TAB2: variants seen among roughly 807,000 people sequenced by gnomAD.
TAB2 encodes TGF-beta activated kinase 1 (MAP3K7) binding protein 2.
In TAB2, 3 loss-of-function variants were observed where a neutral mutation model predicts 65.0. The observed-to-expected ratio is 0.05, with a 90% CI of 0.02 to 0.12. TAB2 has a LOEUF of 0.12. Among genes scored for constraint, TAB2 ranks in the 10% least tolerant of loss-of-function variants. TAB2 has a pLI of 1.00. For synonymous variants in TAB2, 298 were observed against 285.1 expected (o/e 1.05, Z -0.46); for missense variants, 623 against 840.3 (o/e 0.74, Z 3.20).
chr6:149,330,121 C>T (rs538372478), intron 1 of TAB2, among the ~76,000 whole-genome samples: 2 of 151,970 alleles, frequency 1.3e-5, no homozygotes, highest in South Asian at 4.2e-4. Flanking sequence ...AGTATAATCC[C>T]CTTGAGGTCC....
chr6:149,368,342 T>A (rs930365384), intron 1 of TAB2, among the ~76,000 whole-genome samples: 1 of 152,102 alleles, frequency 6.6e-6, no homozygotes, highest in Non-Finnish European at 1.5e-5. Context: ...GTGGCTTTGA[T>A]AAGTGTAGTT....
chr6:149,407,988 G>A (rs1782724225), intron 6 of TAB2, among the ~76,000 whole-genome samples: 1 of 152,100 alleles, frequency 6.6e-6, no homozygotes, highest in Admixed American at 6.6e-5. Flanking sequence ...AACCTTTGCA[G>A]TTAAACAGAA....
Position 149,379,524 on chromosome 6 carries a change from A to T in TAB2, c.1603+6A>T, listed in dbSNP as rs1482751880. ...TGATGCTGCCTACACACAAGGTAATATGAATACTAAAGGTGGGATGGTTTT... is the reference window on the plus strand; with the variant it reads ...TGATGCTGCCTACACACAAGGTAATTTGAATACTAAAGGTGGGATGGTTTT... On this transcript the variant is annotated splice_donor_region_variant and intron_variant, in intron 3 of 6. Transcript: ENST00000637181. The T allele has an allele frequency of 1.2e-6, 2 of 1,614,016 alleles. No individual in the cohort carries two copies. The highest frequency in any genetic ancestry group is 1.7e-6 in the Non-Finnish European group (2 of 1,179,920).
chr6:149,360,625 C>T (rs771634055), intron 1 of TAB2, among the ~76,000 whole-genome samples: 7 of 152,244 alleles, frequency 4.6e-5, no homozygotes, highest in Non-Finnish European at 7.4e-5. Context: ...TATATTATTC[C>T]GCCCCTGCCT....
upstream of TAB2, among the ~76,000 whole-genome samples, chr6:149,313,990 T>C (rs1484772439): frequency 6.6e-6 from 1 of 152,200 alleles, no homozygotes; most frequent in East Asian, 1.9e-4. Context: ...GCACCCAAGA[T>C]AGCAAAGCAG....
intron 3 of TAB2, among the ~76,000 whole-genome samples, chr6:149,386,574 G>A (rs1230003815): frequency 6.6e-6 from 1 of 152,170 alleles, no homozygotes; most frequent in East Asian, 1.9e-4. Context: ...CTATGGTATA[G>A]CAGCAACATG....
Position 149,261,978 on chromosome 6 carries a change from G to A in TAB2, c.-121+43202G>A, listed in dbSNP as rs144244590. On this transcript the variant is annotated intron_variant, in intron 1 of 1. Transcript: ENST00000606202. ...AGCAGCTGGGACTTTGATTGTCAGA[G>A]GTCATTTAAATGTGATCTTGAATAG... Among the ~76,000 whole-genome samples the A allele has an allele frequency of 2.4e-4, 37 of 152,284 alleles. No homozygotes were observed. The East Asian group carries it at 6.8e-3, about 28-fold the overall frequency.
intron 1 of TAB2, among the ~76,000 whole-genome samples, chr6:149,267,047 G>A (rs979904031): frequency 1.9e-4 from 29 of 152,152 alleles, no homozygotes; most frequent in Admixed American, 1.9e-3. Flanking sequence ...CTGCAATGCG[G>A]GAAGTAGAGG....
At chr6:149,268,383 T>C (rs1346977445) in intron 1 of TAB2, among the ~76,000 whole-genome samples, 1 of 152,198 alleles carries the variant, frequency 6.6e-6, no homozygotes, top group Non-Finnish European at 1.5e-5. Context: ...TGAGTGGCCA[T>C]GAGCCCACCT....
intron 3 of TAB2, among the ~76,000 whole-genome samples, chr6:149,396,207 G>A (rs759573354): frequency 3.3e-5 from 5 of 152,106 alleles, no homozygotes; most frequent in Admixed American, 1.3e-4. Flanking sequence ...TAGTAGAAAC[G>A]AGGTTTCACC....
intron 1 of TAB2, among the ~76,000 whole-genome samples, chr6:149,258,963 T>C (rs1433459042): frequency 6.6e-6 from 1 of 151,988 alleles, no homozygotes; most frequent in African/African-American, 2.4e-5. Flanking sequence ...GCTTTGAAAA[T>C]GGAGGAAAGG....
At position 149,399,187 on chromosome 6, in the gene TAB2, T is replaced by G; in HGVS notation, c.1939+3T>G. ...TCCTGTGCCACCAAAACCCAAAGGT[T>G]AGTGTATCCATTAAATGTGAAAACT... On this transcript the variant is annotated splice_donor_region_variant and intron_variant, in intron 6 of 6. Coordinates refer to ENST00000637181, the MANE Select transcript of TAB2 (RefSeq NM_001292034.3). 1 of 1,612,968 alleles carries G rather than the reference T, an allele frequency of 6.2e-7. No individual in the cohort carries two copies. The highest frequency in any genetic ancestry group is 8.5e-7 in the Non-Finnish European group (1 of 1,179,148).
intron 1 of TAB2, among the ~76,000 whole-genome samples, chr6:149,355,960 A>C (rs1051918055): frequency 6.6e-6 from 1 of 152,242 alleles, no homozygotes; most frequent in Non-Finnish European, 1.5e-5. Flanking sequence ...TGCCACAAAA[A>C]AAAAACTTAT....
At chr6:149,318,285 G>A (rs892885289) in intron 1 of TAB2, among the ~76,000 whole-genome samples, 2 of 152,088 alleles carry the variant, frequency 1.3e-5, no homozygotes, top group African/African-American at 4.8e-5. Flanking sequence ...GGGGGGGAGG[G>A]GGAGCTTCAT....
At chr6:149,405,625 T>G (rs1782637648) in intron 6 of TAB2, among the ~76,000 whole-genome samples, 1 of 152,220 alleles carries the variant, frequency 6.6e-6, no homozygotes, top group Admixed American at 6.5e-5. Flanking sequence ...GAGGATGTCT[T>G]GCTAAGTGAC....
intron 3 of TAB2, among the ~76,000 whole-genome samples, chr6:149,389,049 A>G (rs1365728345): frequency 2.1e-5 from 3 of 145,900 alleles, no homozygotes; most frequent in Non-Finnish European, 4.5e-5. Flanking sequence ...TCTGCCTCCC[A>G]GGTTCAAGCA....
chr6:149,328,328 T>C (rs535953263), intron 1 of TAB2, among the ~76,000 whole-genome samples: 107 of 152,236 alleles, frequency 7.0e-4, no homozygotes, highest in Non-Finnish European at 1.3e-3. Flanking sequence ...GAGTCTGCTC[T>C]GTCCCTCAGG....
intron 1 of TAB2, among the ~76,000 whole-genome samples, chr6:149,233,636 C>T (rs1777445336): frequency 7.2e-5 from 11 of 152,052 alleles, no homozygotes; most frequent in Admixed American, 7.2e-4. Context: ...AATGAAAACC[C>T]CCTAGGAAGG....
At chr6:149,256,296 G>A (rs1024482641) in intron 1 of TAB2, among the ~76,000 whole-genome samples, 1 of 152,098 alleles carries the variant, frequency 6.6e-6, no homozygotes, top group African/African-American at 2.4e-5. Context: ...TGGAGTAAAG[G>A]AAATATATTA....
Sources: gnomAD v4.1 joint callset for allele counts (sites outside exome capture counted in the v4.1 genomes callset) on GRCh38, gnomAD v4.1.1 for gene constraint, MANE v1.5 for transcripts, NCBI Gene and HGNC (gene_info 2026-07-23, HGNC 2026-07-21) for gene names.